Variants in HNRNPCL1 observed in about 807,000 individuals in gnomAD.
The protein encoded by HNRNPCL1 is heterogeneous nuclear ribonucleoprotein C-like 1.
In HNRNPCL1, 15 loss-of-function variants were observed where a neutral mutation model predicts 19.0. That is an observed-to-expected ratio of 0.79 (90% CI 0.53 to 1.22). The LOEUF (loss-of-function observed/expected upper bound fraction) is 1.22, where lower values mean the gene tolerates loss of function less well. Among genes scored for constraint, HNRNPCL1 ranks in the 50% most tolerant of loss-of-function variants. The probability of loss-of-function intolerance (pLI) is 0.00; values close to 1 mark genes in which losing one functional copy is unlikely to be tolerated. For missense variants in HNRNPCL1, 327 were observed against 354.7 expected (o/e 0.92, Z 0.63); for synonymous variants, 110 against 129.1 (o/e 0.85, Z 1.00).
In HNRNPCL1 at chr1:12,847,567, C is replaced by A. The variant is rs752338848; in HGVS notation, c.723G>T (p.Glu241Asp). The change falls in exon 2 of 2, where the codon GAG (glutamate) becomes GAT (aspartate). Residue 241 changes from glutamate (E) to aspartate (D), a missense_variant. Physicochemically the swap from Glu to Asp is conservative, Grantham distance 45. Around this residue, in one of 2 missense-constraint regions of HNRNPCL1, gnomAD observed 281 missense variants for 254.7 expected, o/e 1.10. Coordinates refer to ENST00000317869, the MANE Select transcript of HNRNPCL1 (RefSeq NM_001013631.3). ...CCTCAGCAGAGTCTTCTGCACCCCC[C>A]TCAGACTCCATCTTCACATGAGTCT... The part of the protein sequence containing the change: ...KDETHVKMES[E>D]GGAEDSAEEG... 1 of 1,606,700 alleles carries A rather than the reference C, an allele frequency of 6.2e-7. No homozygotes were observed. The highest frequency in any genetic ancestry group is 8.5e-7 in the Non-Finnish European group (1 of 1,176,700).
In HNRNPCL1 at chr1:12,847,432, G is replaced by A. The variant is rs148930640; in HGVS notation, c.858C>T (p.Ser286=). The A allele has an allele frequency of 6.2e-7, 1 of 1,606,878 alleles. No homozygotes were observed. Among genetic ancestry groups the A allele is most frequent in the South Asian group, 1.1e-5 (1 of 90,478 alleles). ...CTTAAGAGTCATCCTGGCCATTGGT[G>A]CTGTCTCTGTCATCCTCTCCTTCCT... The part of the protein sequence containing the change: ...EAEEGEDDRD[S]TNGQDDS Residue 286 remains serine, a synonymous_variant, in exon 2 of 2, where the codon AGC becomes AGT. Coordinates refer to ENST00000317869, the MANE Select transcript of HNRNPCL1 (RefSeq NM_001013631.3).
At chr1:12,848,586 T>C in intron 1 of HNRNPCL1, 95 bp downstream of exon 1, 1 of 574,834 alleles carries the variant, frequency 1.7e-6, no homozygotes, top group Non-Finnish European at 2.8e-6. Flanking sequence ...AAAGACAGGA[T>C]ATAGTTCTGT....
chr1:12,847,791 G>A lies in HNRNPCL1; in HGVS notation c.499C>T (p.Arg167Trp), dbSNP rs377179680. 7.5e-6 allele frequency: 12 copies of A among 1,605,928 alleles called. No individual in the cohort carries two copies. The highest frequency in any genetic ancestry group is 2.7e-5 in the African/African-American group (2 of 73,704). The change falls in exon 2 of 2, where the codon CGG becomes TGG. Residue 167 changes from arginine to tryptophan, a missense_variant. Coordinates refer to ENST00000317869, the MANE Select transcript of HNRNPCL1 (RefSeq NM_001013631.3). ...KSGFNSKSGK[R>W]GSSKSGKLKG... ...AACTTTCCAGACTTGGAAGATCCCC[G>A]CTTTCCACTCTTAGAATTGAAGCCA...
At position 12,848,015 on chromosome 1, in the gene HNRNPCL1, C is replaced by T. The variant is rs540095399; in HGVS notation, c.275G>A (p.Arg92Gln). The T allele has an allele frequency of 1.7e-5, 27 of 1,607,366 alleles. 3 individuals carry two copies. The highest frequency in any genetic ancestry group is 1.6e-4 in the Middle Eastern group (1 of 6,074). ...INLAAEPKVN[R>Q]GNAGVKRSAA... Reference sequence around the variant, plus strand: ...TGATCGTTTCACACCTGCGTTTCCTCGGTTCACTTTTGGCTCCGCAGCCAG... The same window carrying T: ...TGATCGTTTCACACCTGCGTTTCCTTGGTTCACTTTTGGCTCCGCAGCCAG... The change falls in exon 2 of 2, where the codon CGA becomes CAA. Residue 92 changes from arginine (R) to glutamine (Q), a missense_variant. Coordinates refer to ENST00000317869, the MANE Select transcript of HNRNPCL1 (RefSeq NM_001013631.3).
Position 12,848,357 on chromosome 1 carries a change from T to G in HNRNPCL1, c.-68A>C. Reference sequence around the variant, plus strand: ...GCGGGAGGGAGAAGAGATTCGATTCTAAGTCTCCTACTGCCGGGTTCTACG... The same window carrying G: ...GCGGGAGGGAGAAGAGATTCGATTCGAAGTCTCCTACTGCCGGGTTCTACG... On this transcript the variant is annotated 5_prime_UTR_variant, in exon 2 of 2. Coordinates refer to ENST00000317869, the MANE Select transcript of HNRNPCL1 (RefSeq NM_001013631.3). 1.4e-6 allele frequency: 2 copies of G among 1,445,580 alleles called. No individual in the cohort carries two copies. Among genetic ancestry groups the G allele is most frequent in the South Asian group, 2.9e-5 (2 of 68,594 alleles). The allele number at this position is 1,445,580 out of a possible 1,614,324, so 89.5% of individuals were successfully genotyped here.
rs138086527 is a variant in HNRNPCL1, at chr1:12,847,471, A to G, written c.819T>C (p.Asp273=). 5.9e-4 allele frequency: 940 copies of G among 1,606,554 alleles called. 49 individuals carry two copies. The highest frequency in any genetic ancestry group is 2.7e-3 in the South Asian group (245 of 90,454). The change falls in exon 2 of 2, where the codon GAT becomes GAC. Residue 273 remains aspartate (D), a synonymous_variant. Coordinates refer to ENST00000317869, the MANE Select transcript of HNRNPCL1 (RefSeq NM_001013631.3). Reference sequence around the variant, plus strand: ...CCTCTCCTTCCTCAGCCTCTTTTTCATCATCCTTGATCAACTCCAGCTGGT... The same window carrying G: ...CCTCTCCTTCCTCAGCCTCTTTTTCGTCATCCTTGATCAACTCCAGCTGGT... ...GDDQLELIKD[D]EKEAEEGEDD...
rs1257938007 is a variant in HNRNPCL1 at position 12,848,448 on chromosome 1, C to T, written c.-159G>A. On this transcript the variant is annotated 5_prime_UTR_variant, in exon 2 of 2. The change creates a new upstream start codon in the 5' untranslated region. Coordinates refer to ENST00000317869, the MANE Select transcript of HNRNPCL1 (RefSeq NM_001013631.3). ...AAACAGCTCAGTCTTCGTCTCTTCA[C>T]AAAATGGCTCCCAACAAGAATTCTG... 1.9e-6 allele frequency: 2 copies of T among 1,038,182 alleles called. No homozygotes were observed. The highest frequency in any genetic ancestry group is 4.2e-5 in the South Asian group (2 of 48,138). 64.3% of individuals were successfully genotyped at this position (1,038,182 alleles called of 1,614,324 possible).
Position 12,847,909 on chromosome 1 carries a change from T to C in HNRNPCL1, c.381A>G (p.Pro127=), listed in dbSNP as rs57026768. The change falls in exon 2 of 2, where the codon CCA becomes CCG. Residue 127 remains proline (P), a synonymous_variant. Coordinates refer to ENST00000317869, the MANE Select transcript of HNRNPCL1 (RefSeq NM_001013631.3). ...TGGGAGGAGGAGGAGGTACACGTGC[T>C]GGGAAACTGTACATTCCATCATAAT... ...RDYYDGMYSF[P]ARVPPPPPIA... The C allele has an allele frequency of 0.036, 56,473 of 1,557,748 alleles. 1,023 individuals are homozygous for C. Among genetic ancestry groups the C allele is most frequent in the East Asian group, 0.21 (8,739 of 42,518 alleles).
In HNRNPCL1 at chr1:12,848,460, C is replaced by G; in HGVS notation, c.-171G>C. ...CTTCGTCTCTTCACAAAATGGCTCCCAACAAGAATTCTGAAATGATGTAAA... is the reference window on the plus strand; with the variant it reads ...CTTCGTCTCTTCACAAAATGGCTCCGAACAAGAATTCTGAAATGATGTAAA... On this transcript the variant is annotated 5_prime_UTR_variant, in exon 2 of 2. Transcript: ENST00000317869. 9.9e-7 allele frequency: 1 copy of G among 1,012,004 alleles called. No individual in the cohort carries two copies. The highest frequency in any genetic ancestry group is 3.3e-5 in the Admixed American group (1 of 29,870). 62.7% of individuals were successfully genotyped at this position (1,012,004 alleles called of 1,614,324 possible). A position where few individuals can be genotyped will look rare whatever the true frequency, so the allele number is the denominator to read the frequency against.
At position 12,847,608 on chromosome 1, in the gene HNRNPCL1, A is replaced by G. The variant is rs759063390; in HGVS notation, c.682T>C (p.Ser228Pro). Residue 228 changes from serine (S) to proline (P), a missense_variant, in exon 2 of 2, where the codon TCC becomes CCC. By Grantham distance (74) the Ser-to-Pro change is moderately conservative. Transcript: ENST00000317869. ...ACATGAGTCTCATCTTTCTTCATGG[A>G]GCTACTGCTCTGCTCCTCTTCTGAC... The part of the protein sequence containing the change: ...AKSEEEQSSS[S>P]MKKDETHVKM... 3.7e-6 allele frequency: 6 copies of G among 1,606,340 alleles called. No homozygotes were observed. In the South Asian group the frequency reaches 4.4e-5, roughly 12 times the overall value.
rs2982091 is a variant in HNRNPCL1, at chr1:12,848,197, C to T, written c.93G>A (p.Ser31=). ...GNLNTLVVKK[S]DVEAIFSKYG... ...ACTTGGAAAAGATCGCCTCCACATCCGATTTCTTGACAACAAGAGTGTTGA... is the reference window on the plus strand; with the variant it reads ...ACTTGGAAAAGATCGCCTCCACATCTGATTTCTTGACAACAAGAGTGTTGA... Residue 31 remains serine (S), a synonymous_variant, in exon 2 of 2, where the codon TCG becomes TCA. Transcript: ENST00000317869. The T allele has an allele frequency of 8.2e-5, 129 of 1,565,060 alleles. 8 individuals carry two copies. The Admixed American group carries it at 1.9e-3, about 23-fold the overall frequency.
At position 12,847,942 on chromosome 1, in the gene HNRNPCL1, T is replaced by C; in HGVS notation, c.348A>G (p.Gln116=). 1 of 1,607,290 alleles carries C rather than the reference T, an allele frequency of 6.2e-7. No individual in the cohort carries two copies. The highest frequency in any genetic ancestry group is 2.2e-5 in the East Asian group (1 of 44,770). ...TGTACATTCCATCATAATAATCCCG[T>C]TGAAAGCCATAGTCCAAGTCAAAAG... is the stretch of plus-strand genomic sequence containing the variant. The part of the protein sequence containing the change: ...GSSFDLDYGF[Q]RDYYDGMYSF... Residue 116 remains glutamine (Q), a synonymous_variant, in exon 2 of 2, where the codon CAA becomes CAG. Transcript: ENST00000317869.
At position 12,847,390 on chromosome 1, in the gene HNRNPCL1, C is replaced by T; in HGVS notation, c.*18G>A. ...GTAAAGAAACAATGGGATAAGATTT[C>T]TCAACCCCACTATGTGCTTAAGAGT... On this transcript the variant is annotated 3_prime_UTR_variant, in exon 2 of 2. Transcript: ENST00000317869. The T allele has an allele frequency of 6.2e-7, 1 of 1,605,804 alleles. No homozygotes were observed. Among genetic ancestry groups the T allele is most frequent in the Non-Finnish European group, 8.5e-7 (1 of 1,176,070 alleles).
At position 12,848,008 on chromosome 1, in the gene HNRNPCL1, G is replaced by C. The variant is rs763260718; in HGVS notation, c.282C>G (p.Asn94Lys). 6.2e-7 allele frequency: 1 copy of C among 1,607,502 alleles called. No homozygotes were observed. The highest frequency in any genetic ancestry group is 8.5e-7 in the Non-Finnish European group (1 of 1,176,980). Residue 94 changes from asparagine to lysine, a missense_variant, in exon 2 of 2, where the codon AAC becomes AAG. Physicochemically the swap from Asn to Lys is moderately conservative, Grantham distance 94 (BLOSUM62 0). This residue lies in a region of HNRNPCL1 where 281 missense variants were observed against 254.7 expected (regional missense o/e 1.10). Transcript: ENST00000317869. ...CCGCTGCTGATCGTTTCACACCTGCGTTTCCTCGGTTCACTTTTGGCTCCG... is the reference window on the plus strand; with the variant it reads ...CCGCTGCTGATCGTTTCACACCTGCCTTTCCTCGGTTCACTTTTGGCTCCG... ...LAAEPKVNRGNAGVKRSAAEM... is the reference protein window; with the variant it reads ...LAAEPKVNRGKAGVKRSAAEM...
At position 12,848,227 on chromosome 1, in the gene HNRNPCL1, C is replaced by T. The variant is rs41279490; in HGVS notation, c.63G>A (p.Gly21=). Residue 21 remains glycine (G), a synonymous_variant, in exon 2 of 2, where the codon GGG becomes GGA. Coordinates refer to ENST00000317869, the MANE Select transcript of HNRNPCL1 (RefSeq NM_001013631.3). ...TCTTGACAACAAGAGTGTTGAGATT[C>T]CCAATGAACACACGGGAGTTCATGG... ...PHSMNSRVFI[G]NLNTLVVKKS... 0.044 allele frequency: 66,880 copies of T among 1,533,374 alleles called. 212 individuals carry two copies. The highest frequency in any genetic ancestry group is 0.21 in the East Asian group (8,749 of 41,756). The allele number at this position is 1,533,374 out of a possible 1,614,324, so 95.0% of individuals were successfully genotyped here.
chr1:12,847,953 A>G lies in HNRNPCL1; in HGVS notation c.337T>C (p.Tyr113His). The G allele has an allele frequency of 6.2e-7, 1 of 1,607,602 alleles. No homozygotes were observed. The part of the protein sequence containing the change: ...EMYGSSFDLD[Y>H]GFQRDYYDGM... ...TCATAATAATCCCGTTGAAAGCCAT[A>G]GTCCAAGTCAAAAGAGGAGCCGTAC... is the stretch of plus-strand genomic sequence containing the variant. Residue 113 changes from tyrosine (Y) to histidine (H), a missense_variant, in exon 2 of 2, where the codon TAT becomes CAT. Transcript: ENST00000317869.
Position 12,848,315 on chromosome 1 carries a change from A to G in HNRNPCL1, c.-26T>C. 1 of 1,384,806 alleles carries G rather than the reference A, an allele frequency of 7.2e-7. No individual in the cohort carries two copies. The highest frequency in any genetic ancestry group is 9.6e-7 in the Non-Finnish European group (1 of 1,039,298). The allele number at this position is 1,384,806 out of a possible 1,614,324, so 85.8% of individuals were successfully genotyped here. A position where few individuals can be genotyped will look rare whatever the true frequency, so the allele number is the denominator to read the frequency against. ...TGTGTTGGATGATAAGGTTTCTCAA[A>G]AAGCCAAAAACAGGAGGCGGGAGGG... On this transcript the variant is annotated 5_prime_UTR_variant, in exon 2 of 2. Transcript: ENST00000317869.
Position 12,847,524 on chromosome 1 carries a change from C to T in HNRNPCL1, c.766G>A (p.Asp256Asn). 6.2e-7 allele frequency: 1 copy of T among 1,606,672 alleles called. No individual in the cohort carries two copies. Among genetic ancestry groups the T allele is most frequent in the Non-Finnish European group, 8.5e-7 (1 of 1,176,658 alleles). Residue 256 changes from aspartate (D) to asparagine (N), a missense_variant, in exon 2 of 2, where the codon GAT becomes AAT. Physicochemically the swap from Asp to Asn is conservative, Grantham distance 23 (BLOSUM62 1). Transcript: ENST00000317869. ...TCCCCCTGATCTTCATTAACATCAT[C>T]ATCCAGTGGGTCCCCCTCCTCAGCA... ...DSAEEGDPLD[D>N]DVNEDQGDDQ...
chr1:12,848,431 C>T lies in HNRNPCL1; in HGVS notation c.-142G>A. ...GGCCAGAAATGCAGCCAAAACAGCT[C>T]AGTCTTCGTCTCTTCACAAAATGGC... On this transcript the variant is annotated 5_prime_UTR_variant, in exon 2 of 2. Transcript: ENST00000317869. The T allele has an allele frequency of 9.1e-7, 1 of 1,094,204 alleles. No individual in the cohort carries two copies. The highest frequency in any genetic ancestry group is 1.3e-6 in the Non-Finnish European group (1 of 783,244). The allele number at this position is 1,094,204 out of a possible 1,614,324, so 67.8% of individuals were successfully genotyped here. A position where few individuals can be genotyped will look rare whatever the true frequency, so the allele number is the denominator to read the frequency against.
Sources: allele counts gnomAD v4.1 joint callset, GRCh38; gene constraint gnomAD v4.1.1; regional missense constraint gnomAD v4.1.1; transcripts MANE v1.5; gene names NCBI Gene and HGNC (gene_info 2026-07-23, HGNC 2026-07-21).